The following LIPA variants were observed in gnomAD, a reference collection of about 807,000 sequenced individuals.
LIPA encodes lipase A, lysosomal acid type.
A neutral mutation model predicts 40.6 loss-of-function variants in LIPA; 26 were observed. The observed-to-expected ratio is 0.64, with a 90% CI of 0.47 to 0.89. LIPA has a LOEUF of 0.89. LIPA is among the 40% of genes least tolerant of loss of function. The pLI is 0.00. For synonymous variants in LIPA, 188 were observed against 168.4 expected (o/e 1.12, Z -0.90); for missense variants, 455 against 479.6 (o/e 0.95, Z 0.48).
chr10:89,402,656 G>A (rs1844449250), intron 2 of LIPA: 1 of 1,614,200 alleles, frequency 6.2e-7, no homozygotes, highest in South Asian at 1.1e-5. Flanking sequence ...TTTGCAAGAA[G>A]CTTTCAAATC....
rs1446195281 is a variant in LIPA, at chr10:89,366,867, C to T, written c.61+45924G>A. Among the ~76,000 whole-genome samples the T allele has an allele frequency of 2.0e-5, 3 of 152,178 alleles. 1 individual carries two copies. The highest frequency in any genetic ancestry group is 2.9e-5 in the Non-Finnish European group (2 of 68,034). On this transcript the variant is annotated intron_variant, in intron 2 of 8. Coordinates refer to the LIPA transcript ENST00000371837. ...TATAAATCATGCTGCTATAAAGACA[C>T]ATGCACACGTATGTTTATTGCAGCA...
intron 1 of LIPA, among the ~76,000 whole-genome samples, chr10:89,281,855 G>C (rs977219183): frequency 6.6e-6 from 1 of 152,126 alleles, no homozygotes; most frequent in Non-Finnish European, 1.5e-5. Flanking sequence ...AACATCATAG[G>C]GCCAGCTACT....
At chr10:89,360,185 G>A (rs1425470061) in intron 2 of LIPA, among the ~76,000 whole-genome samples, 5 of 152,144 alleles carry the variant, frequency 3.3e-5, no homozygotes. Context: ...ATAGGAACCT[G>A]GAGGATTTTA....
At chr10:89,294,385 G>C (rs1564778123) in intron 1 of LIPA, among the ~76,000 whole-genome samples, 2 of 152,150 alleles carry the variant, frequency 1.3e-5, no homozygotes, top group Non-Finnish European at 2.9e-5. Flanking sequence ...AAGATCAAGG[G>C]GCCACATCTG....
chr10:89,343,743 C>A (rs1006805942), upstream of LIPA, among the ~76,000 whole-genome samples: 1 of 152,174 alleles, frequency 6.6e-6, no homozygotes, highest in African/African-American at 2.4e-5. Context: ...CCCTAGCAAG[C>A]ATTCCTGGGG....
intron 2 of LIPA, among the ~76,000 whole-genome samples, chr10:89,387,853 T>C (rs77900436): frequency 0.029 from 4,447 of 152,248 alleles, 150 homozygotes; most frequent in Non-Finnish European, 0.036. Flanking sequence ...AATCTAGTTA[T>C]ACAAGTGTTC....
intron 1 of LIPA, among the ~76,000 whole-genome samples, chr10:89,280,659 C>T (rs1843310077): frequency 1.3e-5 from 2 of 152,204 alleles, no homozygotes; most frequent in African/African-American, 2.4e-5. Context: ...TTGACCGTAG[C>T]CCATATTTAT....
chr10:89,226,811 T>C (rs1047891108), intron 5 of LIPA, 84 bp downstream of exon 5: 3 of 814,296 alleles, frequency 3.7e-6, no homozygotes, highest in Admixed American at 1.9e-5. Flanking sequence ...TGAACTAACA[T>C]CTTTTTATAT....
chr10:89,262,000 G>A (rs1315447210), intron 1 of LIPA, among the ~76,000 whole-genome samples: 4 of 152,156 alleles, frequency 2.6e-5, no homozygotes, highest in East Asian at 3.8e-4. Flanking sequence ...ATGGGAAGGG[G>A]TATGTGATCT....
rs772054748 is a variant in LIPA, at chr10:89,306,564, G to A, written c.-2+36047C>T. The A allele has an allele frequency of 4.3e-5, 69 of 1,613,912 alleles. No homozygotes were observed. The highest frequency in any genetic ancestry group is 5.4e-5 in the Non-Finnish European group (64 of 1,179,980). On this transcript the variant is annotated intron_variant, in intron 1 of 5. Transcript: ENST00000282673. Reference sequence around the variant, plus strand: ...ATTGACCCTCTGAGGCAAGCCATTCGGCTGAATCCTGACAACCAGTACCTT... The same window carrying A: ...ATTGACCCTCTGAGGCAAGCCATTCAGCTGAATCCTGACAACCAGTACCTT...
intron 2 of LIPA, among the ~76,000 whole-genome samples, chr10:89,365,107 A>G (rs1043629105): frequency 6.6e-6 from 1 of 152,192 alleles, no homozygotes; most frequent in Non-Finnish European, 1.5e-5. Context: ...TGTAGCTGAC[A>G]TGGGTGTAGA....
intron 1 of LIPA, among the ~76,000 whole-genome samples, chr10:89,266,212 G>C (rs1843235518): frequency 1.3e-5 from 2 of 152,194 alleles, no homozygotes; most frequent in African/African-American, 4.8e-5. Flanking sequence ...TTCCAGTGAT[G>C]CTACGGTGCT....
chr10:89,219,026 G>C (rs1276016907), intron 8 of LIPA, among the ~76,000 whole-genome samples: 2 of 152,050 alleles, frequency 1.3e-5, no homozygotes, highest in African/African-American at 2.4e-5. Context: ...CTATTGCTGG[G>C]TGCTAGACAT....
chr10:89,307,279 G>A, intron 1 of LIPA: 1 of 1,613,968 alleles, frequency 6.2e-7, no homozygotes, highest in Non-Finnish European at 8.5e-7. Flanking sequence ...TCCTTCAGGA[G>A]CTGAATGAAA....
At chr10:89,231,810 C>T (rs1842845982) in intron 3 of LIPA, among the ~76,000 whole-genome samples, 2 of 152,130 alleles carry the variant, frequency 1.3e-5, no homozygotes. Context: ...ATAGAAATGC[C>T]AGGGCCATGC....
At chr10:89,247,786 G>T in intron 1 of LIPA, 137 bp from the exon 2 acceptor site, 1 of 659,478 alleles carries the variant, frequency 1.5e-6, no homozygotes, top group South Asian at 1.7e-5. Flanking sequence ...TGAAACAAAT[G>T]ACTCCAGCCA....
chr10:89,394,444 T>C (rs911822442), intron 2 of LIPA, among the ~76,000 whole-genome samples: 4 of 152,112 alleles, frequency 2.6e-5, no homozygotes. Context: ...CATTCAATGA[T>C]ATTTCATTAA....
At chr10:89,285,814 A>C (rs1843338628) in intron 1 of LIPA, among the ~76,000 whole-genome samples, 2 of 144,660 alleles carry the variant, frequency 1.4e-5, no homozygotes, top group Non-Finnish European at 3.0e-5. Flanking sequence ...CAAACACCCC[A>C]CCCCTTCCCC....
At chr10:89,355,989 T>C (rs1843986635) in intron 2 of LIPA, among the ~76,000 whole-genome samples, 1 of 152,228 alleles carries the variant, frequency 6.6e-6, no homozygotes, top group African/African-American at 2.4e-5. Context: ...ACTTTAAGTA[T>C]ACACAGTTGA....
Sources: allele counts gnomAD v4.1 joint callset (sites outside exome capture counted in the v4.1 genomes callset), GRCh38; gene constraint gnomAD v4.1.1; transcripts MANE v1.5; gene names NCBI Gene and HGNC (gene_info 2026-07-23, HGNC 2026-07-21).